Variants in ARHGAP6 observed in about 807,000 individuals in gnomAD.
The protein encoded by ARHGAP6 is rho GTPase-activating protein 6.
In ARHGAP6, 16 loss-of-function variants were observed where a neutral mutation model predicts 55.7. The observed-to-expected ratio is 0.29, with a 90% confidence interval of 0.19 to 0.44. The LOEUF (loss-of-function observed/expected upper bound fraction) is 0.44, where lower values mean the gene tolerates loss of function less well. Among genes scored for constraint, ARHGAP6 ranks in the 20% least tolerant of loss-of-function variants. ARHGAP6 has a pLI of 1.00. For synonymous variants in ARHGAP6, 382 were observed against 360.9 expected (o/e 1.06, Z -0.66); for missense variants, 698 against 808.9 (o/e 0.86, Z 1.66).
At chrX:11,227,385 G>A (rs2047064922) in intron 2 of ARHGAP6, among the ~76,000 whole-genome samples, 1 of 111,734 alleles carries the variant, frequency 8.9e-6, no homozygotes, top group Non-Finnish European at 1.9e-5. Flanking sequence ...TGCGAGGCAC[G>A]TTTACCGCTG....
chrX:11,236,884 C>G (rs1272614785), intron 2 of ARHGAP6, among the ~76,000 whole-genome samples: 1 of 112,316 alleles, frequency 8.9e-6, no homozygotes, highest in Non-Finnish European at 1.9e-5. Flanking sequence ...TGAGGAGAAG[C>G]TGGAAGTCCT....
intron 1 of ARHGAP6, among the ~76,000 whole-genome samples, chrX:11,614,800 G>C (rs755219737): frequency 8.9e-6 from 1 of 112,115 alleles, no homozygotes; most frequent in Non-Finnish European, 1.9e-5. Context: ...CGAAGAAAAC[G>C]TATTATTTTT....
At chrX:11,180,201 AAC>A (rs1428331379) in intron 6 of ARHGAP6, among the ~76,000 whole-genome samples, 2 of 111,550 alleles carry the variant, frequency 1.8e-5, no homozygotes, top group Non-Finnish European at 3.8e-5. Context: ...GCAGCAAGAA[AAC>A]ACAGTAGCAA....
intron 1 of ARHGAP6, among the ~76,000 whole-genome samples, chrX:11,380,307 G>T (rs1179044033): frequency 9.0e-6 from 1 of 111,528 alleles, no homozygotes; most frequent in Non-Finnish European, 1.9e-5. Context: ...AAGAGAAAAA[G>T]AACCTTCCTA....
chrX:11,397,007 A>G (rs1295199985), intron 1 of ARHGAP6, among the ~76,000 whole-genome samples: 1 of 111,350 alleles, frequency 9.0e-6, no homozygotes, highest in Non-Finnish European at 1.9e-5. Context: ...GGCCAAGTAG[A>G]TGAGTATAGG....
intron 1 of ARHGAP6, among the ~76,000 whole-genome samples, chrX:11,636,146 A>G (rs2052416407): frequency 1.8e-5 from 2 of 111,464 alleles, no homozygotes; most frequent in African/African-American, 6.5e-5. Context: ...AATTCAGGTT[A>G]TGCCTGTTAT....
rs367692430 is a variant in ARHGAP6, at chrX:11,446,365, A to G, written c.589-191658T>C. 2.7e-5 allele frequency among the ~76,000 whole-genome samples: 3 copies of G among 112,017 alleles called. No homozygotes were observed. The South Asian group carries it at 1.1e-3, about 42-fold the overall frequency. On this transcript the variant is annotated intron_variant, in intron 1 of 12. Coordinates refer to ENST00000337414, the MANE Select transcript of ARHGAP6 (RefSeq NM_013427.3). Reference sequence around the variant, plus strand: ...AAAATTCAGTAATTGGGCTTTAGAAAGAAAAGAAATTGATAACCAGCCATG... The same window carrying G: ...AAAATTCAGTAATTGGGCTTTAGAAGGAAAAGAAATTGATAACCAGCCATG...
intron 1 of ARHGAP6, among the ~76,000 whole-genome samples, chrX:11,261,613 A>T (rs2047562378): frequency 1.8e-5 from 2 of 112,109 alleles, no homozygotes; most frequent in African/African-American, 6.5e-5. Flanking sequence ...AATGTAGATG[A>T]AATTGAAATT....
chrX:11,344,857 G>A (rs73496979), intron 1 of ARHGAP6, among the ~76,000 whole-genome samples: 6,436 of 110,530 alleles, frequency 0.058, 208 homozygotes, highest in African/African-American at 0.12. Flanking sequence ...ACATCCCAGT[G>A]CATCCATACC....
chrX:11,542,535 G>T (rs980179477), intron 1 of ARHGAP6, among the ~76,000 whole-genome samples: 9 of 110,868 alleles, frequency 8.1e-5, no homozygotes, highest in Non-Finnish European at 1.7e-4. Flanking sequence ...GAATTGGTGG[G>T]GAGAGGGAGT....
At chrX:11,143,658 T>A in intron 11 of ARHGAP6, 1 of 1,010,631 alleles carries the variant, frequency 9.9e-7, no homozygotes, top group Non-Finnish European at 1.2e-6. Flanking sequence ...AAATCCAGTA[T>A]ACATAAAGTT....
intron 1 of ARHGAP6, among the ~76,000 whole-genome samples, chrX:11,402,007 T>C (rs2049555662): frequency 8.9e-6 from 1 of 112,022 alleles, no homozygotes; most frequent in Admixed American, 9.5e-5. Flanking sequence ...CCAATAACTT[T>C]ATGTACATCA....
chrX:11,212,355 G>A (rs899082114), intron 2 of ARHGAP6, among the ~76,000 whole-genome samples: 2 of 112,111 alleles, frequency 1.8e-5, no homozygotes, highest in Non-Finnish European at 3.8e-5. Context: ...GAACTCTGCA[G>A]CCTATACAGA....
intron 1 of ARHGAP6, among the ~76,000 whole-genome samples, chrX:11,272,271 A>G (rs1278046179): frequency 8.9e-6 from 1 of 111,848 alleles, no homozygotes; most frequent in Non-Finnish European, 1.9e-5. Flanking sequence ...GACCAAGTCA[A>G]TTAGACTGTC....
At chrX:11,495,085 A>G (rs1464205285) in intron 1 of ARHGAP6, among the ~76,000 whole-genome samples, 1 of 112,309 alleles carries the variant, frequency 8.9e-6, no homozygotes, top group African/African-American at 3.2e-5. Flanking sequence ...TGTCTGTACA[A>G]TAATGTTTGA....
chrX:11,489,637 C>G (rs1487235549), intron 1 of ARHGAP6, among the ~76,000 whole-genome samples: 1 of 111,298 alleles, frequency 9.0e-6, no homozygotes, highest in Non-Finnish European at 1.9e-5. Context: ...AATTTGCCAA[C>G]CCCTGGTTTA....
At chrX:11,175,058 C>G (rs1354856091) in intron 8 of ARHGAP6, among the ~76,000 whole-genome samples, 1 of 111,424 alleles carries the variant, frequency 9.0e-6, no homozygotes, top group African/African-American at 3.3e-5. Flanking sequence ...ACTATTGATA[C>G]AAAAGCCTCC....
At chrX:11,472,382 C>T (rs5935074) in intron 1 of ARHGAP6, among the ~76,000 whole-genome samples, 12,751 of 111,418 alleles carry the variant, frequency 0.11, 700 homozygotes, top group Admixed American at 0.2. Context: ...GGATGATGGA[C>T]AGAGATGGAG....
At chrX:11,477,172 AAAC>A (rs200015462) in intron 1 of ARHGAP6, among the ~76,000 whole-genome samples, 8,678 of 109,289 alleles carry the variant, frequency 0.079, 407 homozygotes, top group East Asian at 0.18. Flanking sequence ...AAAAAAAAAA[AAAC>A]AATTTTTCAA....
Sources: allele counts gnomAD v4.1 joint callset (sites outside exome capture counted in the v4.1 genomes callset), GRCh38; gene constraint gnomAD v4.1.1; transcripts MANE v1.5; gene names NCBI Gene and HGNC (gene_info 2026-07-23, HGNC 2026-07-21).